Variants in MSRA observed in about 807,000 individuals in gnomAD.
The protein encoded by MSRA is methionine sulfoxide reductase A.
In MSRA, 54 loss-of-function variants were observed where a neutral mutation model predicts 31.3. The ratio of observed to expected loss-of-function variants is 1.73; its 90% CI spans 1.39 to 2.17. The LOEUF (loss-of-function observed/expected upper bound fraction) is 2.17, where lower values mean the gene tolerates loss of function less well. Ranked by LOEUF, MSRA falls within the 30% of genes most tolerant of loss-of-function variation. The probability of loss-of-function intolerance (pLI) is 0.00; values close to 1 mark genes in which losing one functional copy is unlikely to be tolerated. For synonymous variants in MSRA, 169 were observed against 116.5 expected, an observed-to-expected ratio of 1.45 and a Z score of -2.90; for missense variants, 507 against 300.9, an observed-to-expected ratio of 1.69 and a Z score of -5.07.
In MSRA at chr8:10,428,380, T is replaced by C. The variant is rs1337588241; in HGVS notation, c.*68T>C. On this transcript the variant is annotated 3_prime_UTR_variant, in exon 6 of 6. Transcript: ENST00000317173. Reference sequence around the variant, plus strand: ...CTTTCAACAAATTGGGCAATGCTTGTGTGATTCACAATCGTGGCATTTAAA... The same window carrying C: ...CTTTCAACAAATTGGGCAATGCTTGCGTGATTCACAATCGTGGCATTTAAA... 22 of 1,517,374 alleles carry C rather than the reference T, an allele frequency of 1.4e-5. No individual in the cohort carries two copies. Among genetic ancestry groups the C allele is most frequent in the Middle Eastern group, 3.4e-4 (2 of 5,902 alleles). 94.0% of individuals were successfully genotyped at this position (1,517,374 alleles called of 1,614,324 possible). A position where few individuals can be genotyped will look rare whatever the true frequency, so the allele number is the denominator to read the frequency against.
chr8:10,073,494 C>T (rs1797842689), intron 1 of MSRA, among the ~76,000 whole-genome samples: 2 of 152,190 alleles, frequency 1.3e-5, no homozygotes, highest in African/African-American at 4.8e-5. Flanking sequence ...TGGAATTTTA[C>T]AGAAAAGGTT....
At chr8:10,150,921 G>A (rs1251953250) in intron 1 of MSRA, among the ~76,000 whole-genome samples, 1 of 152,102 alleles carries the variant, frequency 6.6e-6, no homozygotes, top group Non-Finnish European at 1.5e-5. Flanking sequence ...GTAAGGTGTG[G>A]CGTGGACAGA....
intron 5 of MSRA, among the ~76,000 whole-genome samples, chr8:10,361,353 A>T (rs929395365): frequency 9.9e-5 from 15 of 152,186 alleles, no homozygotes; most frequent in African/African-American, 3.6e-4. Flanking sequence ...GAAGTTTATT[A>T]AACTCTTCCT....
At chr8:10,266,746 T>C (rs1158224890) in intron 3 of MSRA, among the ~76,000 whole-genome samples, 1 of 152,218 alleles carries the variant, frequency 6.6e-6, no homozygotes, top group Non-Finnish European at 1.5e-5. Context: ...TTAATTTTTA[T>C]ATATAGTGCA....
At chr8:10,258,706 C>G (rs756933517) in intron 3 of MSRA, among the ~76,000 whole-genome samples, 1 of 152,226 alleles carries the variant, frequency 6.6e-6, no homozygotes, top group Non-Finnish European at 1.5e-5. Context: ...CCTTCTCCCA[C>G]GTGGCAACTC....
chr8:10,378,485 C>A (rs567337714), intron 5 of MSRA, among the ~76,000 whole-genome samples: 216 of 152,342 alleles, frequency 1.4e-3, no homozygotes, highest in African/African-American at 4.9e-3. Context: ...GGTGGCATCT[C>A]CAGTGACCTT....
intron 1 of MSRA, among the ~76,000 whole-genome samples, chr8:10,169,042 T>A (rs1585081043): frequency 6.6e-6 from 1 of 152,194 alleles, no homozygotes; most frequent in East Asian, 1.9e-4. Flanking sequence ...TTCGTATGAT[T>A]TTCCCCATAA....
chr8:10,211,338 C>A (rs973078145), intron 2 of MSRA, among the ~76,000 whole-genome samples: 1 of 152,128 alleles, frequency 6.6e-6, no homozygotes, highest in African/African-American at 2.4e-5. Context: ...AGTTTTTCTC[C>A]TGGTCTCCTT....
intron 3 of MSRA, among the ~76,000 whole-genome samples, chr8:10,277,369 C>G (rs1410222826): frequency 6.6e-6 from 1 of 152,214 alleles, no homozygotes; most frequent in Non-Finnish European, 1.5e-5. Flanking sequence ...CTTTCTCTCA[C>G]CAAAGCGCTG....
At chr8:10,155,662 A>C (rs568709317) in intron 1 of MSRA, among the ~76,000 whole-genome samples, 1 of 152,348 alleles carries the variant, frequency 6.6e-6, no homozygotes, top group Non-Finnish European at 1.5e-5. Flanking sequence ...AGGGCTTGCC[A>C]GGACATTGGC....
chr8:10,081,361 A>C (rs962712688), intron 1 of MSRA, among the ~76,000 whole-genome samples: 2 of 152,188 alleles, frequency 1.3e-5, no homozygotes, highest in Non-Finnish European at 2.9e-5. Flanking sequence ...GGGAACGTGA[A>C]GCTATCCTTA....
intron 5 of MSRA, among the ~76,000 whole-genome samples, chr8:10,374,538 A>G (rs975857530): frequency 2.6e-5 from 4 of 152,226 alleles, no homozygotes; most frequent in East Asian, 3.9e-4. Flanking sequence ...AAATCGCCCA[A>G]GGTCTTCCAG....
intron 2 of MSRA, among the ~76,000 whole-genome samples, chr8:10,228,122 C>T (rs892951435): frequency 6.6e-6 from 1 of 152,098 alleles, no homozygotes; most frequent in Non-Finnish European, 1.5e-5. Flanking sequence ...CTGGCTGTCT[C>T]TCGTCCACTG....
At chr8:10,214,444 G>A (rs940818935) in intron 2 of MSRA, among the ~76,000 whole-genome samples, 1 of 152,162 alleles carries the variant, frequency 6.6e-6, no homozygotes, top group Non-Finnish European at 1.5e-5. Flanking sequence ...AACATTGGAA[G>A]CAGCCGGCAA....
At chr8:10,252,297 C>T (rs1242598246) in intron 3 of MSRA, among the ~76,000 whole-genome samples, 1 of 152,154 alleles carries the variant, frequency 6.6e-6, no homozygotes, top group African/African-American at 2.4e-5. Flanking sequence ...CTGCTCCTCT[C>T]AGTGAGGTGG....
At chr8:10,377,877 A>G (rs182569573) in intron 5 of MSRA, among the ~76,000 whole-genome samples, 1 of 152,322 alleles carries the variant, frequency 6.6e-6, no homozygotes, top group Non-Finnish European at 1.5e-5. Context: ...TCGCCTCACC[A>G]GGAGGAAGCT....
chr8:10,363,524 A>T (rs115714882), intron 5 of MSRA, among the ~76,000 whole-genome samples: 302 of 152,274 alleles, frequency 2.0e-3, no homozygotes, highest in African/African-American at 6.9e-3. Context: ...GTCTTGTAGC[A>T]TGACGATGTA....
Position 10,319,910 on chromosome 8 carries a change from C to T in MSRA, c.464C>T (p.Thr155Ile), listed in dbSNP as rs755359719. Reference protein sequence around the residue: ...QGMRQGNDHGTQYRSAIYPTS... With the variant: ...QGMRQGNDHGIQYRSAIYPTS... Reference sequence around the variant, plus strand: ...ATGCGCCAGGGGAACGACCATGGCACTCAGTACCGCTCGGCCATCTACCCG... The same window carrying T: ...ATGCGCCAGGGGAACGACCATGGCATTCAGTACCGCTCGGCCATCTACCCG... The change falls in exon 5 of 6, where the codon ACT becomes ATT. Residue 155 changes from threonine (T) to isoleucine (I), a missense_variant. Transcript: ENST00000317173. The T allele has an allele frequency of 2.5e-6, 4 of 1,591,542 alleles. No homozygotes were observed. In the Admixed American group the frequency reaches 5.3e-5, roughly 21 times the overall value.
In MSRA at chr8:10,111,562, T is replaced by C. The variant is rs147285249; in HGVS notation, c.142+56904T>C. ...ATCAGACAGGCCTTTTTGGGGACTTTTTCTTATATAGCGTTAACACATTTA... is the reference window on the plus strand; with the variant it reads ...ATCAGACAGGCCTTTTTGGGGACTTCTTCTTATATAGCGTTAACACATTTA... On this transcript the variant is annotated intron_variant, in intron 1 of 5. Transcript: ENST00000317173. 1.5e-3 allele frequency among the ~76,000 whole-genome samples: 233 copies of C among 152,318 alleles called. 1 individual carries two copies. Among genetic ancestry groups the C allele is most frequent in the African/African-American group, 5.2e-3 (215 of 41,560 alleles).
Sources: allele counts gnomAD v4.1 joint callset (sites outside exome capture counted in the v4.1 genomes callset), GRCh38; gene constraint gnomAD v4.1.1; transcripts MANE v1.5; gene names NCBI Gene and HGNC (gene_info 2026-07-23, HGNC 2026-07-21).